Variants in TRPM7 observed in about 807,000 individuals in gnomAD.
The protein encoded by TRPM7 is LTRPC ion channel family member 7.
A neutral mutation model predicts 229.7 loss-of-function variants in TRPM7; 134 were observed. The ratio of observed to expected loss-of-function variants is 0.58; its 90% CI spans 0.51 to 0.67. The LOEUF (loss-of-function observed/expected upper bound fraction) is 0.67. TRPM7 is among the 30% of genes least tolerant of loss of function. The pLI, the probability that TRPM7 is intolerant of heterozygous loss-of-function variation, is 0.00. For missense variants in TRPM7, 1,901 were observed against 2,210.0 expected, an observed-to-expected ratio of 0.86 and a Z score of 2.80; for synonymous variants, 699 against 715.2, an observed-to-expected ratio of 0.98 and a Z score of 0.36.
Position 50,592,141 on chromosome 15 carries a change from A to C in TRPM7, c.4094T>G (p.Leu1365Arg), listed in dbSNP as rs774042384. The change falls in exon 26 of 39, where the codon CTG (leucine) becomes CGG (arginine). Residue 1365 changes from leucine (L) to arginine (R), a missense_variant. By Grantham distance (102) the Leu-to-Arg change is moderately radical (BLOSUM62 -2). This residue lies in a region of TRPM7 where 533 missense variants were observed against 497.1 expected (regional missense o/e 1.07). Transcript: ENST00000646667. Reference sequence around the variant, plus strand: ...TTCTACCCCATGTAGTCTCTGTCGCAGTTCTGGAGGGGAAACAGCACTTGG... The same window carrying C: ...TTCTACCCCATGTAGTCTCTGTCGCCGTTCTGGAGGGGAAACAGCACTTGG... ...LFPSAVSPPELRQRLHGVELL... is the reference protein window; with the variant it reads ...LFPSAVSPPERRQRLHGVELL... 2 of 1,613,386 alleles carry C rather than the reference A, an allele frequency of 1.2e-6. No individual in the cohort carries two copies. The highest frequency in any genetic ancestry group is 1.3e-5 in the African/African-American group (1 of 74,852).
intron 11 of TRPM7, among the ~76,000 whole-genome samples, chr15:50,627,890 T>C (rs1442825049): frequency 6.6e-6 from 1 of 152,226 alleles, no homozygotes; most frequent in Admixed American, 6.5e-5. Context: ...GACTCTCTGG[T>C]ATACAGAGCA....
intron 15 of TRPM7, 80 bp downstream of exon 15, chr15:50,613,626 GT>G (rs1203002529): frequency 3.1e-5 from 38 of 1,229,212 alleles, no homozygotes; most frequent in South Asian, 8.8e-5. Context: ...AAATCAATTA[GT>G]TTTTTTTGTT....
intron 1 of TRPM7, among the ~76,000 whole-genome samples, chr15:50,670,588 A>G (rs1301829099): frequency 6.6e-6 from 1 of 152,090 alleles, no homozygotes; most frequent in African/African-American, 2.4e-5. Flanking sequence ...GTTACCCTAT[A>G]TAGTTTAAAA....
At chr15:50,571,067 T>C (rs529248362) in intron 36 of TRPM7, among the ~76,000 whole-genome samples, 3 of 152,180 alleles carry the variant, frequency 2.0e-5, no homozygotes, top group South Asian at 2.1e-4. Flanking sequence ...TATAAACACA[T>C]ACACACACAC....
At chr15:50,570,677 TA>T (rs149970874) in intron 36 of TRPM7, among the ~76,000 whole-genome samples, 21,685 of 91,632 alleles carry the variant, frequency 0.24, 2,097 homozygotes, top group East Asian at 0.47. Context: ...ACTTCATTCC[TA>T]AAAAAAAAAA....
chr15:50,648,866 C>T lies in TRPM7; in HGVS notation c.142G>A (p.Val48Ile). The T allele has an allele frequency of 6.2e-7, 1 of 1,608,740 alleles. No individual in the cohort carries two copies. The highest frequency in any genetic ancestry group is 2.2e-5 in the East Asian group (1 of 44,724). Residue 48 changes from valine to isoleucine, a missense_variant, in exon 4 of 39, where the codon GTC (valine) becomes ATC (isoleucine). Val to Ile is a conservative substitution (Grantham distance 29). Around this residue, in one of 8 missense-constraint regions of TRPM7, gnomAD observed 794 missense variants for 881.9 expected, o/e 0.90. Transcript: ENST00000646667. ...GCAGTAAAACAAGCATGTTGCTTGA[C>T]CAAGCGACCACAAAAACACCTAAAA... ...QLVRCFCGRL[V>I]KQHACFTASL...
chr15:50,652,168 A>G (rs554058524), intron 3 of TRPM7, among the ~76,000 whole-genome samples: 4 of 151,396 alleles, frequency 2.6e-5, no homozygotes, highest in African/African-American at 9.7e-5. Context: ...TCCTGTCTCT[A>G]CTAAAAATAC....
chr15:50,662,037 G>A (rs2061737570), intron 2 of TRPM7, among the ~76,000 whole-genome samples: 1 of 152,082 alleles, frequency 6.6e-6, no homozygotes, highest in East Asian at 1.9e-4. Flanking sequence ...GGCCAACATA[G>A]TAAAACCCTG....
intron 3 of TRPM7, among the ~76,000 whole-genome samples, chr15:50,654,675 G>C (rs1268428585): frequency 6.6e-5 from 10 of 151,230 alleles, no homozygotes; most frequent in Admixed American, 6.6e-4. Context: ...AGCAATCCTA[G>C]CACTGAAAAA....
At position 50,608,625 on chromosome 15, in the gene TRPM7, A is replaced by AG. The variant is rs1236804212; in HGVS notation, c.2580+955dup. Among the ~76,000 whole-genome samples, 10 of 152,338 alleles carry AG rather than the reference A, an allele frequency of 6.6e-5. No homozygotes were observed. The South Asian group carries it at 1.7e-3, about 25-fold the overall frequency. On this transcript the variant is annotated intron_variant, in intron 19 of 38. Transcript: ENST00000646667. ...TTGCAATTCCAGCCTCTGAATAGGAAGGAACAAGAACATTTTCATATAGAG... is the reference window on the plus strand; with the variant it reads ...TTGCAATTCCAGCCTCTGAATAGGAAGGGAACAAGAACATTTTCATATAGAG...
intron 15 of TRPM7, 99 bp from the exon 16 acceptor site, chr15:50,612,928 C>T (rs1262543302): frequency 1.0e-6 from 1 of 1,002,812 alleles, no homozygotes; most frequent in East Asian, 2.5e-5. Context: ...TTATTCAGCT[C>T]CATAAAACTG....
At chr15:50,671,640 C>T (rs933715214) in intron 1 of TRPM7, among the ~76,000 whole-genome samples, 1 of 95,844 alleles carries the variant, frequency 1.0e-5, no homozygotes, top group Non-Finnish European at 2.2e-5. Flanking sequence ...GAGATCCTGT[C>T]GCTACAAAAG....
intron 3 of TRPM7, among the ~76,000 whole-genome samples, chr15:50,652,386 G>A (rs983916821): frequency 1.4e-4 from 20 of 144,664 alleles, no homozygotes; most frequent in African/African-American, 4.1e-4. Flanking sequence ...GAGAAAAATC[G>A]TGGGGGAAAG....
At chr15:50,621,966 G>C (rs1016454537) in intron 12 of TRPM7, among the ~76,000 whole-genome samples, 1 of 151,892 alleles carries the variant, frequency 6.6e-6, no homozygotes, top group Non-Finnish European at 1.5e-5. Flanking sequence ...GGAGGTGGAG[G>C]TCGCATTGAG....
rs773101036 is a variant in TRPM7, at chr15:50,686,555, G to A, written c.-22C>T. ...CCATTCTCCTCACGGGGCGGACTCC[G>A]GAAGGGCAGCAACTCCACCTCCTCC... On this transcript the variant is annotated 5_prime_UTR_variant, in exon 1 of 39. Coordinates refer to ENST00000646667, the MANE Select transcript of TRPM7 (RefSeq NM_017672.6). 3.1e-6 allele frequency: 5 copies of A among 1,609,686 alleles called. No homozygotes were observed. Among genetic ancestry groups the A allele is most frequent in the Admixed American group, 1.7e-5 (1 of 59,758 alleles).
intron 2 of TRPM7, among the ~76,000 whole-genome samples, chr15:50,658,494 T>C (rs1385962912): frequency 6.8e-6 from 1 of 147,956 alleles, no homozygotes; most frequent in Non-Finnish European, 1.5e-5. Context: ...TCCTTGAGCA[T>C]GGGAGGTCGA....
chr15:50,587,457 G>T (rs2059374879), intron 27 of TRPM7, among the ~76,000 whole-genome samples: 1 of 102,990 alleles, frequency 9.7e-6, no homozygotes, highest in Admixed American at 1.3e-4. Flanking sequence ...CAAAAAAAAA[G>T]TTGTTTAAAT....
intron 1 of TRPM7, among the ~76,000 whole-genome samples, chr15:50,684,679 G>A (rs530473683): frequency 6.6e-6 from 1 of 151,930 alleles, no homozygotes; most frequent in East Asian, 1.9e-4. Flanking sequence ...AGAGGAGAAA[G>A]AAACATGTTA....
intron 4 of TRPM7, among the ~76,000 whole-genome samples, chr15:50,645,431 A>T (rs1482073355): frequency 6.6e-6 from 1 of 151,874 alleles, no homozygotes; most frequent in Non-Finnish European, 1.5e-5. Flanking sequence ...GGTTCAAGAG[A>T]TTCTCCTGCC....
Sources: gnomAD v4.1 joint callset for allele counts (sites outside exome capture counted in the v4.1 genomes callset) on GRCh38, gnomAD v4.1.1 for gene constraint, gnomAD v4.1.1 regional missense constraint, MANE v1.5 for transcripts, NCBI Gene and HGNC (gene_info 2026-07-23, HGNC 2026-07-21) for gene names.